Variants in PTPRD observed in about 807,000 individuals in gnomAD.
PTPRD encodes protein tyrosine phosphatase receptor type D.
In PTPRD, 34 loss-of-function variants were observed where a neutral mutation model predicts 214.5. The ratio of observed to expected loss-of-function variants is 0.16; its 90% CI spans 0.12 to 0.21. The LOEUF is 0.21. Among genes scored for constraint, PTPRD ranks in the 10% least tolerant of loss-of-function variants. The pLI, the probability that PTPRD is intolerant of heterozygous loss-of-function variation, is 1.00. For synonymous variants in PTPRD, 1,128 were observed against 845.7 expected (o/e 1.33, Z -5.79); for missense variants, 2,545 against 2,398.7 (o/e 1.06, Z -1.27).
intron 2 of PTPRD, among the ~76,000 whole-genome samples, chr9:10,428,927 C>A (rs950147797): frequency 3.0e-4 from 46 of 152,036 alleles, no homozygotes; most frequent in African/African-American, 1.1e-3. Context: ...ATTCCTAAGT[C>A]ACGAAAGTTT....
intron 5 of PTPRD, among the ~76,000 whole-genome samples, chr9:9,876,355 A>T (rs1435837582): frequency 6.6e-6 from 1 of 152,180 alleles, no homozygotes; most frequent in African/African-American, 2.4e-5. Context: ...ACTCTTTTTA[A>T]AGTAGGGCTT....
intron 10 of PTPRD, among the ~76,000 whole-genome samples, chr9:9,020,456 T>C (rs1186676409): frequency 1.3e-5 from 2 of 152,158 alleles, no homozygotes; most frequent in Non-Finnish European, 1.5e-5. Context: ...GCTGGATTGA[T>C]TCATGATATA....
At chr9:8,427,680 G>GATT (rs1160740271) in intron 35 of PTPRD, among the ~76,000 whole-genome samples, 2 of 150,536 alleles carry the variant, frequency 1.3e-5, no homozygotes, top group South Asian at 2.1e-4. Flanking sequence ...TTATTGTTAT[G>GATT]ATTATTATTA....
intron 2 of PTPRD, among the ~76,000 whole-genome samples, chr9:10,520,775 C>T (rs910312080): frequency 2.0e-5 from 3 of 152,026 alleles, no homozygotes; most frequent in Admixed American, 1.3e-4. Context: ...TAAATCTACT[C>T]TGCCTGTGTT....
At chr9:8,599,266 T>A (rs1345234851) in intron 14 of PTPRD, among the ~76,000 whole-genome samples, 1 of 152,170 alleles carries the variant, frequency 6.6e-6, no homozygotes. Context: ...CTTTCCTTTA[T>A]AAATTACTCA....
chr9:9,583,175 T>C (rs1237506440), intron 7 of PTPRD, among the ~76,000 whole-genome samples: 1 of 152,020 alleles, frequency 6.6e-6, no homozygotes, highest in African/African-American at 2.4e-5. Context: ...TCATACTCCT[T>C]CAAAAAGTAT....
chr9:10,228,563 G>C (rs931425196), intron 3 of PTPRD, among the ~76,000 whole-genome samples: 6 of 151,740 alleles, frequency 4.0e-5, no homozygotes, highest in Non-Finnish European at 7.4e-5. Context: ...GCTACCCCTA[G>C]AGCACAGTAA....
intron 2 of PTPRD, among the ~76,000 whole-genome samples, chr9:10,374,654 G>T (rs933654192): frequency 1.3e-5 from 2 of 152,050 alleles, no homozygotes; most frequent in South Asian, 4.1e-4. Context: ...GAAGTGGGAG[G>T]TGGTAATATG....
At chr9:10,367,333 A>G (rs1238345758) in intron 2 of PTPRD, among the ~76,000 whole-genome samples, 2 of 152,110 alleles carry the variant, frequency 1.3e-5, no homozygotes, top group Non-Finnish European at 2.9e-5. Flanking sequence ...TTAAGAGCTC[A>G]AGTCATCTTG....
intron 27 of PTPRD, among the ~76,000 whole-genome samples, chr9:8,491,424 A>G (rs537640134): frequency 6.6e-6 from 1 of 152,192 alleles, no homozygotes; most frequent in Non-Finnish European, 1.5e-5. Context: ...ACATGACCCC[A>G]TTTAATGGGC....
chr9:9,937,363 C>T (rs1275009301), intron 5 of PTPRD, among the ~76,000 whole-genome samples: 1 of 127,308 alleles, frequency 7.9e-6, no homozygotes, highest in Non-Finnish European at 1.7e-5. Flanking sequence ...TATATGCCTG[C>T]TCCTTCTTTC....
intron 6 of PTPRD, among the ~76,000 whole-genome samples, chr9:9,751,644 G>C (rs1372718946): frequency 6.6e-6 from 1 of 152,046 alleles, no homozygotes; most frequent in Non-Finnish European, 1.5e-5. Context: ...ACGTGAAGAA[G>C]AGACACACGG....
chr9:8,364,650 T>C (rs996765851), intron 39 of PTPRD, among the ~76,000 whole-genome samples: 5 of 152,206 alleles, frequency 3.3e-5, no homozygotes, highest in Non-Finnish European at 7.3e-5. Flanking sequence ...TGAAGTGGTT[T>C]CCACCATCAC....
intron 3 of PTPRD, among the ~76,000 whole-genome samples, chr9:10,064,547 C>A (rs957180745): frequency 1.3e-5 from 2 of 151,844 alleles, no homozygotes; most frequent in Non-Finnish European, 2.9e-5. Flanking sequence ...ATTTTAAGCA[C>A]CATCATCACA....
Position 8,947,584 on chromosome 9 carries a change from C to G in PTPRD, c.-104+71113G>C, listed in dbSNP as rs138305735. On this transcript the variant is annotated intron_variant, in intron 11 of 45. Transcript: ENST00000381196. ...TGTTCATCCTCCTATGTTTCAAGGA[C>G]ATTCACTCTGCCCTTGGATAGGAAA... is the stretch of plus-strand genomic sequence containing the variant. Among the ~76,000 whole-genome samples, 602 of 151,770 alleles carry G rather than the reference C, an allele frequency of 4.0e-3. 1 individual carries two copies. The highest frequency in any genetic ancestry group is 0.014 in the African/African-American group (583 of 41,400).
At chr9:9,878,439 G>A (rs1279729304) in intron 5 of PTPRD, among the ~76,000 whole-genome samples, 2 of 152,162 alleles carry the variant, frequency 1.3e-5, no homozygotes, top group Non-Finnish European at 2.9e-5. Context: ...AACTTGCAGA[G>A]AAGACTAAGG....
At chr9:9,584,226 C>A (rs2091462187) in intron 7 of PTPRD, among the ~76,000 whole-genome samples, 2 of 151,906 alleles carry the variant, frequency 1.3e-5, no homozygotes, top group African/African-American at 4.8e-5. Context: ...AAGTGCCCTG[C>A]AACCTCTGTC....
chr9:9,017,397 A>G (rs2099540462), intron 11 of PTPRD, among the ~76,000 whole-genome samples: 1 of 152,160 alleles, frequency 6.6e-6, no homozygotes, highest in African/African-American at 2.4e-5. Flanking sequence ...CTTTGCCAGC[A>G]AATAGCAATT....
chr9:10,586,351 A>C (rs1372610681), intron 2 of PTPRD, among the ~76,000 whole-genome samples: 1 of 152,032 alleles, frequency 6.6e-6, no homozygotes, highest in Non-Finnish European at 1.5e-5. Flanking sequence ...AAAGAATACT[A>C]AATATAGACT....
Sources: gnomAD v4.1 joint callset for allele counts (sites outside exome capture counted in the v4.1 genomes callset) on GRCh38, gnomAD v4.1.1 for gene constraint, MANE v1.5 for transcripts, NCBI Gene and HGNC (gene_info 2026-07-23, HGNC 2026-07-21) for gene names.